N4BP2L2: variants seen among roughly 807,000 people sequenced by gnomAD.
The protein encoded by N4BP2L2 is NEDD4-binding protein 2-like 2.
Under a neutral mutation model 56.2 loss-of-function variants are expected in N4BP2L2, and 50 were observed. The ratio of observed to expected loss-of-function variants is 0.89; its 90% confidence interval spans 0.71 to 1.13. N4BP2L2 has a LOEUF of 1.13. Among genes scored for constraint, N4BP2L2 ranks in the 50% most tolerant of loss-of-function variants. N4BP2L2 has a pLI of 0.00. For missense variants in N4BP2L2, 689 were observed against 693.8 expected (o/e 0.99, Z 0.08); for synonymous variants, 203 against 223.6 (o/e 0.91, Z 0.82).
intron 9 of N4BP2L2, among the ~76,000 whole-genome samples, chr13:32,433,595 C>G (rs1163306472): frequency 6.6e-6 from 1 of 151,382 alleles, no homozygotes; most frequent in East Asian, 1.9e-4. Flanking sequence ...GTACTCCAGC[C>G]TGGGCGACAG....
At chr13:32,487,491 A>G (rs2086138966) in intron 6 of N4BP2L2, among the ~76,000 whole-genome samples, 1 of 151,182 alleles carries the variant, frequency 6.6e-6, no homozygotes, top group African/African-American at 2.4e-5. Context: ...AAAAGGAAAA[A>G]GAAAAGAAAA....
At chr13:32,476,911 C>A (rs1229474763) in intron 6 of N4BP2L2, among the ~76,000 whole-genome samples, 1 of 152,126 alleles carries the variant, frequency 6.6e-6, no homozygotes, top group Non-Finnish European at 1.5e-5. Context: ...GCAGCCCCGG[C>A]GGGAACACAG....
At chr13:32,442,937 T>C in exon 7 of N4BP2L2, 2 of 1,612,822 alleles carry the variant, frequency 1.2e-6, no homozygotes, top group Non-Finnish European at 1.7e-6. Flanking sequence ...TCTGAAATTC[T>C]ATCTTTTTCT....
At chr13:32,451,568 G>T (rs1282182326) in intron 6 of N4BP2L2, among the ~76,000 whole-genome samples, 1 of 151,846 alleles carries the variant, frequency 6.6e-6, no homozygotes, top group East Asian at 1.9e-4. Context: ...TGGAGACAGG[G>T]TCTCACTCTG....
intron 6 of N4BP2L2, among the ~76,000 whole-genome samples, chr13:32,491,633 A>AT (rs1279782685): frequency 0.017 from 1,910 of 113,954 alleles, 14 homozygotes; most frequent in South Asian, 0.038. Flanking sequence ...ATATATATAT[A>AT]TATTTTTTTT....
intron 3 of N4BP2L2, 108 bp downstream of exon 3, chr13:32,527,300 G>T (rs2053305921): frequency 4.2e-6 from 5 of 1,197,494 alleles, no homozygotes; most frequent in Non-Finnish European, 5.8e-6. Flanking sequence ...TATTTAAACG[G>T]CTTGCCTACA....
At chr13:32,442,837 G>T (rs763889753) in exon 7 of N4BP2L2, 1 of 1,613,708 alleles carries the variant, frequency 6.2e-7, no homozygotes, top group Admixed American at 1.7e-5. Context: ...AATATTTAAA[G>T]GGGTAGCTTT....
At chr13:32,480,471 T>A (rs1489483286) in intron 6 of N4BP2L2, 1 of 441,872 alleles carries the variant, frequency 2.3e-6, no homozygotes, top group Admixed American at 3.9e-5. Context: ...TACTAGTTAG[T>A]TGGACGGCAT....
exon 6 of N4BP2L2, chr13:32,511,845 T>G (rs936933613): frequency 1.3e-5 from 2 of 151,490 alleles, no homozygotes; most frequent in African/African-American, 4.9e-5. Context: ...TTTCTAAGAT[T>G]AAGAAAAACG....
chr13:32,526,818 G>GTTTTTTT lies in N4BP2L2; in HGVS notation c.1384+583_1384+589dup, dbSNP rs35925361. 147 of 23,992 alleles carry GTTTTTTT rather than the reference G, an allele frequency of 6.1e-3. 7 individuals are homozygous for GTTTTTTT. The highest frequency in any genetic ancestry group is 7.3e-3 in the Non-Finnish European group (90 of 12,400). 1.5% of individuals were successfully genotyped at this position (23,992 alleles called of 1,614,324 possible). ...CTGAGGCCAGGCACACTTTTTGTCT[G>GTTTTTTT]TTTTTTTTTTTTTTTTTTTTTTTTT... On this transcript the variant is annotated intron_variant, in intron 3 of 5. Coordinates refer to ENST00000267068, the Ensembl canonical transcript of N4BP2L2.
At chr13:32,442,628 A>C (rs1379157098) in exon 7 of N4BP2L2, 6 of 1,613,812 alleles carry the variant, frequency 3.7e-6, no homozygotes, top group Non-Finnish European at 2.5e-6. Flanking sequence ...ATTTCTGGAG[A>C]AATAAACCCT....
intron 4 of N4BP2L2, 91 bp downstream of exon 4, chr13:32,522,091 T>A: frequency 1.3e-6 from 1 of 796,918 alleles, no homozygotes; most frequent in Non-Finnish European, 2.1e-6. Flanking sequence ...GACAAATGTT[T>A]TAATAATCAA....
intron 7 of N4BP2L2, among the ~76,000 whole-genome samples, chr13:32,440,271 G>A (rs1159447180): frequency 1.3e-5 from 2 of 152,056 alleles, no homozygotes; most frequent in East Asian, 1.9e-4. Context: ...GAGACGAAAT[G>A]GGTCCCCAAG....
exon 7 of N4BP2L2, chr13:32,442,580 C>T (rs764930456): frequency 8.7e-6 from 14 of 1,613,888 alleles, no homozygotes; most frequent in Middle Eastern, 1.6e-4. Context: ...TCAGAAGTGA[C>T]TCCCAAAGAG....
At chr13:32,450,464 A>G (rs1485380120) in intron 6 of N4BP2L2, among the ~76,000 whole-genome samples, 3 of 151,580 alleles carry the variant, frequency 2.0e-5, no homozygotes, top group African/African-American at 7.3e-5. Context: ...AGCTGGGACT[A>G]CAGGCGCCTG....
chr13:32,442,526 A>T, exon 7 of N4BP2L2: 1 of 1,613,900 alleles, frequency 6.2e-7, no homozygotes, highest in Non-Finnish European at 8.5e-7. Context: ...GGTTCTTCCC[A>T]TCTTTTCAGC....
chr13:32,453,440 A>AG (rs2078446929), intron 6 of N4BP2L2, among the ~76,000 whole-genome samples: 1 of 152,114 alleles, frequency 6.6e-6, no homozygotes, highest in Admixed American at 6.6e-5. Flanking sequence ...ATCAAGAGAA[A>AG]AAAAAAAAGC....
At chr13:32,499,310 TATTTCTGCAACCAGAAAATATC>T (rs1256788970) in intron 6 of N4BP2L2, among the ~76,000 whole-genome samples, 1 of 152,224 alleles carries the variant, frequency 6.6e-6, no homozygotes, top group African/African-American at 2.4e-5. Flanking sequence ...TACTGGTTCA[TATTTCTGCAACCAGAAAATATC>T]ATTTCATCCC....
At chr13:32,457,188 A>C (rs1307679808) in intron 6 of N4BP2L2, among the ~76,000 whole-genome samples, 3 of 152,182 alleles carry the variant, frequency 2.0e-5, no homozygotes, top group Non-Finnish European at 1.5e-5. Flanking sequence ...AAATAAATAA[A>C]TACATAAATA....
Sources: gnomAD v4.1 joint callset for allele counts (sites outside exome capture counted in the v4.1 genomes callset) on GRCh38, gnomAD v4.1.1 for gene constraint, MANE v1.5 for transcripts, NCBI Gene and HGNC (gene_info 2026-07-23, HGNC 2026-07-21) for gene names.